KIFAP3: variants seen among roughly 807,000 people sequenced by gnomAD.
The protein encoded by KIFAP3 is kinesin-associated protein 3.
KIFAP3 carries 68 observed loss-of-function variants against 106.5 expected under a neutral mutation model. That is an observed-to-expected ratio of 0.64 (90% CI 0.53 to 0.78). The LOEUF is 0.78. Ranked by LOEUF, KIFAP3 falls within the 30% of genes least tolerant of loss-of-function variation. The pLI is 0.00. For synonymous variants in KIFAP3, 320 were observed against 311.5 expected (o/e 1.03, Z -0.29); for missense variants, 780 against 941.8 (o/e 0.83, Z 2.25).
At chr1:170,038,189 G>T in intron 5 of KIFAP3, 101 bp downstream of exon 5, 2 of 912,058 alleles carry the variant, frequency 2.2e-6, no homozygotes, top group Non-Finnish European at 3.2e-6. Context: ...ATCTGAGTAA[G>T]AAAGAAATAA....
chr1:170,016,718 A>AT (rs1668542799), intron 9 of KIFAP3, 94 bp from the exon 10 acceptor site: 1 of 705,710 alleles, frequency 1.4e-6, no homozygotes, highest in Non-Finnish European at 2.2e-6. Flanking sequence ...ACCCTAATGT[A>AT]TATCTGTTTT....
chr1:170,079,690 A>G (rs11588736), upstream of KIFAP3, among the ~76,000 whole-genome samples: 16,002 of 152,134 alleles, frequency 0.11, 1,001 homozygotes, highest in East Asian at 0.19. Flanking sequence ...TTTTGAAATC[A>G]GGAAATGTAA....
At chr1:169,931,431 T>C (rs1170183353) in intron 19 of KIFAP3, among the ~76,000 whole-genome samples, 1 of 152,210 alleles carries the variant, frequency 6.6e-6, no homozygotes, top group East Asian at 1.9e-4. Flanking sequence ...ATTATCAAGT[T>C]GAAATGAATA....
intron 10 of KIFAP3, among the ~76,000 whole-genome samples, chr1:169,999,920 G>C (rs989835535): frequency 6.6e-6 from 1 of 152,046 alleles, no homozygotes; most frequent in African/African-American, 2.4e-5. Flanking sequence ...GAAATTTACA[G>C]CTGTAGTTCA....
intron 1 of KIFAP3, chr1:170,068,592 T>C (rs754089168): frequency 9.3e-5 from 14 of 151,038 alleles, no homozygotes; most frequent in Non-Finnish European, 2.1e-4. Context: ...CACCATCTAG[T>C]ATACCAACAT....
At chr1:170,002,416 C>A (rs999537855) in intron 10 of KIFAP3, among the ~76,000 whole-genome samples, 1 of 152,062 alleles carries the variant, frequency 6.6e-6, no homozygotes, top group Non-Finnish European at 1.5e-5. Flanking sequence ...AAAATTAGAC[C>A]TTTTGAAATT....
rs1666551469 is a variant in KIFAP3 at position 169,982,062 on chromosome 1, T to C, written c.1708A>G (p.Ile570Val). 3 of 1,613,384 alleles carry C rather than the reference T, an allele frequency of 1.9e-6. No individual in the cohort carries two copies. Among genetic ancestry groups the C allele is most frequent in the Admixed American group, 1.7e-5 (1 of 59,964 alleles). Residue 570 changes from isoleucine to valine, a missense_variant, in exon 15 of 20, where the codon ATA (isoleucine) becomes GTA (valine). Transcript: ENST00000361580. ...TCCATGGATACAGTTCCAATCATTA[T>C]AACCACTTCTAAAACAAGATCATCT... Reference protein sequence around the residue: ...AEDDLVLEVVIMIGTVSMDDS... With the variant: ...AEDDLVLEVVVMIGTVSMDDS...
intron 10 of KIFAP3, among the ~76,000 whole-genome samples, chr1:169,999,485 G>T (rs1167311099): frequency 6.6e-6 from 1 of 152,214 alleles, no homozygotes; most frequent in Non-Finnish European, 1.5e-5. Flanking sequence ...CAAGGGCAGT[G>T]AAAAGACTGA....
At chr1:169,993,253 C>A (rs901263131) in intron 10 of KIFAP3, among the ~76,000 whole-genome samples, 1 of 151,644 alleles carries the variant, frequency 6.6e-6, no homozygotes, top group South Asian at 2.1e-4. Context: ...GATTCAGGCG[C>A]CCACTACCAC....
chr1:169,979,460 A>G (rs971494638), intron 15 of KIFAP3, among the ~76,000 whole-genome samples: 15 of 152,188 alleles, frequency 9.9e-5, no homozygotes, highest in African/African-American at 3.4e-4. Flanking sequence ...AAAAAACTCA[A>G]AAGAGAAAAA....
At position 169,942,505 on chromosome 1, in the gene KIFAP3, T is replaced by C. The variant is rs1031746131; in HGVS notation, c.2273+11506A>G. Among the ~76,000 whole-genome samples, 10 of 152,242 alleles carry C rather than the reference T, an allele frequency of 6.6e-5. 1 individual carries two copies. Among genetic ancestry groups the C allele is most frequent in the Admixed American group, 2.0e-4 (3 of 15,284 alleles). On this transcript the variant is annotated intron_variant, in intron 19 of 19. Transcript: ENST00000361580. ...AAGGAAGAAAGCCCAATAAAATGAA[T>C]TGCAAAGAAAACAAGATTAAACTGA... is the stretch of plus-strand genomic sequence containing the variant.
chr1:169,943,565 G>T (rs930736325), intron 19 of KIFAP3, among the ~76,000 whole-genome samples: 3 of 151,902 alleles, frequency 2.0e-5, no homozygotes, highest in Admixed American at 2.0e-4. Flanking sequence ...ATACAATTTT[G>T]TTATTCTCAT....
At chr1:170,074,710 C>A, upstream of KIFAP3, 1 of 1,393,876 alleles carries the variant, frequency 7.2e-7, no homozygotes, top group Non-Finnish European at 9.3e-7. Context: ...CGGGCCGTCA[C>A]GACGCATGCG....
intron 19 of KIFAP3, among the ~76,000 whole-genome samples, chr1:169,924,532 T>A (rs891693593): frequency 5.3e-5 from 8 of 152,298 alleles, no homozygotes; most frequent in African/African-American, 1.9e-4. Context: ...TTGACATAGG[T>A]CCTAGGTCCT....
chr1:170,041,219 A>G (rs1395653739), intron 3 of KIFAP3, among the ~76,000 whole-genome samples: 1 of 152,240 alleles, frequency 6.6e-6, no homozygotes, highest in Non-Finnish European at 1.5e-5. Flanking sequence ...TAAAAAAAGT[A>G]TATATTAAGT....
chr1:169,961,491 T>G (rs1450757691), intron 17 of KIFAP3, among the ~76,000 whole-genome samples: 1 of 152,236 alleles, frequency 6.6e-6, no homozygotes, highest in African/African-American at 2.4e-5. Context: ...AATTCTTATT[T>G]AATATTACAT....
Position 170,038,415 on chromosome 1 carries a change from T to A in KIFAP3, c.392A>T (p.Asn131Ile). ...AATATATTCATCCATGTCATTAATGTTAGCAACTTCATCAATCTGAAACAA... is the reference window on the plus strand; with the variant it reads ...AATATATTCATCCATGTCATTAATGATAGCAACTTCATCAATCTGAAACAA... Reference protein sequence around the residue: ...FEGMEIDEVANINDMDEYIEL... With the variant: ...FEGMEIDEVAIINDMDEYIEL... Residue 131 changes from asparagine to isoleucine, a missense_variant, in exon 5 of 20, where the codon AAC (asparagine) becomes ATC (isoleucine). Physicochemically the swap from Asn to Ile is moderately radical, Grantham distance 149. This residue lies in a region of KIFAP3 where 588 missense variants were observed against 678.9 expected (regional missense o/e 0.87). Transcript: ENST00000361580. 6.2e-7 allele frequency: 1 copy of A among 1,606,642 alleles called. No homozygotes were observed. The highest frequency in any genetic ancestry group is 8.5e-7 in the Non-Finnish European group (1 of 1,178,248).
chr1:169,999,432 C>A (rs1346101668), intron 10 of KIFAP3, among the ~76,000 whole-genome samples: 3 of 152,156 alleles, frequency 2.0e-5, no homozygotes, highest in Non-Finnish European at 4.4e-5. Context: ...AGGCTGCCAA[C>A]AGTCAGCATG....
chr1:170,052,507 C>G (rs1670628275), intron 2 of KIFAP3, among the ~76,000 whole-genome samples: 1 of 152,184 alleles, frequency 6.6e-6, no homozygotes, highest in Non-Finnish European at 1.5e-5. Context: ...CCAGCATCAT[C>G]CTGATACCAA....
Sources: allele counts gnomAD v4.1 joint callset (sites outside exome capture counted in the v4.1 genomes callset), GRCh38; gene constraint gnomAD v4.1.1; regional missense constraint gnomAD v4.1.1; transcripts MANE v1.5; gene names NCBI Gene and HGNC (gene_info 2026-07-23, HGNC 2026-07-21).